Variants in AGBL1 observed in about 807,000 individuals in gnomAD.
AGBL1 encodes AGBL carboxypeptidase 1, also known as cytosolic carboxypeptidase 4.
In AGBL1, 130 loss-of-function variants were observed where a neutral mutation model predicts 118.9. The ratio of observed to expected loss-of-function variants is 1.09; its 90% CI spans 0.95 to 1.26. AGBL1 has a LOEUF of 1.26. Ranked by LOEUF, AGBL1 falls within the 50% of genes most tolerant of loss-of-function variation. The pLI is 0.00. For missense variants in AGBL1, 1,584 were observed against 1,298.1 expected (o/e 1.22, Z -3.38); for synonymous variants, 555 against 478.9 (o/e 1.16, Z -2.08).
intron 17 of AGBL1, among the ~76,000 whole-genome samples, chr15:86,348,691 T>A (rs1290671908): frequency 6.6e-6 from 1 of 150,658 alleles, no homozygotes; most frequent in African/African-American, 2.4e-5. Flanking sequence ...GGCAGGAGAC[T>A]CACTTGAACC....
At chr15:86,152,963 A>G (rs948609049) in intron 3 of AGBL1, among the ~76,000 whole-genome samples, 8 of 152,258 alleles carry the variant, frequency 5.3e-5, no homozygotes, top group Non-Finnish European at 1.5e-5. Context: ...ACAATGAGAT[A>G]CCATCTCATG....
At chr15:86,841,646 G>GACC (rs1310925049) in intron 22 of AGBL1, among the ~76,000 whole-genome samples, 15 of 152,040 alleles carry the variant, frequency 9.9e-5, no homozygotes, top group Non-Finnish European at 1.5e-4. Context: ...GGGAGTTTGA[G>GACC]ACCAGCCTGA....
chr15:86,363,696 T>C (rs778281380), intron 17 of AGBL1, among the ~76,000 whole-genome samples: 8 of 152,308 alleles, frequency 5.3e-5, no homozygotes, highest in Non-Finnish European at 7.4e-5. Flanking sequence ...CAAATGGCTC[T>C]CAAATTCATT....
intron 22 of AGBL1, among the ~76,000 whole-genome samples, chr15:86,781,897 T>TTA (rs2078341936): frequency 6.6e-6 from 1 of 151,972 alleles, no homozygotes; most frequent in African/African-American, 2.4e-5. Flanking sequence ...TTTTTTTTTT[T>TTA]AATTGGCCTT....
At chr15:86,402,901 A>G (rs2081469153) in intron 18 of AGBL1, among the ~76,000 whole-genome samples, 1 of 152,246 alleles carries the variant, frequency 6.6e-6, no homozygotes, top group African/African-American at 2.4e-5. Context: ...ACAAACAAAC[A>G]AACAAACATT....
chr15:86,447,732 C>A (rs1178699462), intron 18 of AGBL1, among the ~76,000 whole-genome samples: 1 of 152,130 alleles, frequency 6.6e-6, no homozygotes, highest in South Asian at 2.1e-4. Flanking sequence ...GGGCCAAGCA[C>A]TATTTAAGGC....
At position 86,851,009 on chromosome 15, in the gene AGBL1, T is replaced by A. The variant is rs888405237; in HGVS notation, c.3159-56078T>A. On this transcript the variant is annotated intron_variant, in intron 22 of 22. Transcript: ENST00000614907. ...TAATTTTCTGCCATCACTTCTATAA[T>A]GCATTTGGAGAGGCTTTTTGGTCAA... 2.0e-5 allele frequency among the ~76,000 whole-genome samples: 3 copies of A among 152,232 alleles called. No individual in the cohort carries two copies. The East Asian group carries it at 5.8e-4, about 29-fold the overall frequency.
At chr15:86,801,265 A>G (rs1428732601) in intron 22 of AGBL1, among the ~76,000 whole-genome samples, 5 of 152,006 alleles carry the variant, frequency 3.3e-5, no homozygotes, top group Non-Finnish European at 7.4e-5. Context: ...GAAGCAGAAA[A>G]GAGAATATGC....
intron 18 of AGBL1, among the ~76,000 whole-genome samples, chr15:86,452,880 C>T (rs1055717733): frequency 3.3e-5 from 5 of 152,094 alleles, no homozygotes; most frequent in Admixed American, 2.6e-4. Flanking sequence ...TGAGTGTTCC[C>T]GCTGCTGGAA....
intron 22 of AGBL1, among the ~76,000 whole-genome samples, chr15:86,836,113 T>C (rs1480888179): frequency 6.6e-6 from 1 of 152,212 alleles, no homozygotes; most frequent in Non-Finnish European, 1.5e-5. Context: ...GAAGTTCATT[T>C]TTATACAGCT....
At chr15:86,930,632 C>T (rs955826173) in intron 23 of AGBL1, among the ~76,000 whole-genome samples, 1 of 151,932 alleles carries the variant, frequency 6.6e-6, no homozygotes. Context: ...ATTTATCTGC[C>T]ATGTGCTAGC....
rs3084321 is a variant in AGBL1, at chr15:86,514,135, AACACAC to A, written c.2556-8653_2556-8648del. On this transcript the variant is annotated intron_variant, in intron 18 of 22. Transcript: ENST00000614907. ...AAATAGATGTATGAATACACACACA[AACACAC>A]ACACACACACACACACACACATACA... Among the ~76,000 whole-genome samples, 208 of 149,288 alleles carry A rather than the reference AACACAC, an allele frequency of 1.4e-3. 1 individual carries two copies. The highest frequency in any genetic ancestry group is 1.5e-3 in the Non-Finnish European group (100 of 67,186).
At chr15:86,790,343 A>AACAC (rs4035430) in intron 22 of AGBL1, among the ~76,000 whole-genome samples, 218 of 148,984 alleles carry the variant, frequency 1.5e-3, no homozygotes, top group East Asian at 3.8e-3. Flanking sequence ...TTGTCCTTCA[A>AACAC]ACACACACAC....
intron 22 of AGBL1, among the ~76,000 whole-genome samples, chr15:86,870,309 G>T (rs2079701932): frequency 6.7e-6 from 1 of 150,184 alleles, no homozygotes; most frequent in South Asian, 2.1e-4. Context: ...GAGAATTTAA[G>T]TCACATCTTG....
chr15:86,389,308 T>C (rs1369703170), intron 17 of AGBL1, among the ~76,000 whole-genome samples: 2 of 152,132 alleles, frequency 1.3e-5, no homozygotes, highest in Non-Finnish European at 2.9e-5. Context: ...AGTTTCCAGG[T>C]ACCTAAAGAC....
At position 86,628,669 on chromosome 15, in the gene AGBL1, G is replaced by A. The variant is rs567760875; in HGVS notation, c.2995-45604G>A. Among the ~76,000 whole-genome samples the A allele has an allele frequency of 9.9e-5, 15 of 152,048 alleles. No homozygotes were observed. The East Asian group carries it at 1.9e-3, about 20-fold the overall frequency. On this transcript the variant is annotated intron_variant, in intron 21 of 22. Transcript: ENST00000614907. ...AAATTAGCCAGGCGTGGTGGTGGGC[G>A]CCTGTAGTCCCAGCTACTTGGGAGG...
chr15:86,756,092 G>A (rs2141262696), intron 22 of AGBL1, among the ~76,000 whole-genome samples: 1 of 152,184 alleles, frequency 6.6e-6, no homozygotes, highest in East Asian at 1.9e-4. Context: ...ATATAGTAGG[G>A]TCAATTATAG....
At chr15:86,578,965 C>G (rs2084136528) in intron 21 of AGBL1, among the ~76,000 whole-genome samples, 1 of 152,180 alleles carries the variant, frequency 6.6e-6, no homozygotes, top group Admixed American at 6.5e-5. Flanking sequence ...ACACAAAATA[C>G]TAGCTAATCC....
chr15:86,341,573 C>T (rs550590839), intron 17 of AGBL1, among the ~76,000 whole-genome samples: 1 of 152,194 alleles, frequency 6.6e-6, no homozygotes, highest in Non-Finnish European at 1.5e-5. Context: ...TGGCAGTCCT[C>T]AGGTGCCTTT....
Sources: gnomAD v4.1 joint callset for allele counts (sites outside exome capture counted in the v4.1 genomes callset) on GRCh38, gnomAD v4.1.1 for gene constraint, MANE v1.5 for transcripts, NCBI Gene and HGNC (gene_info 2026-07-23, HGNC 2026-07-21) for gene names.